The following AMBP variants were observed in gnomAD, a reference collection of about 807,000 sequenced individuals.
AMBP encodes protein AMBP.
Under a neutral mutation model 46.3 loss-of-function variants are expected in AMBP, and 37 were observed. The ratio of observed to expected loss-of-function variants is 0.80; its 90% CI spans 0.61 to 1.05. The LOEUF is 1.05. Among genes scored for constraint, AMBP ranks in the 50% least tolerant of loss-of-function variants. The pLI, the probability that AMBP is intolerant of heterozygous loss-of-function variation, is 0.00. For missense variants in AMBP, 475 were observed against 461.2 expected, an observed-to-expected ratio of 1.03 and a Z score of -0.27; for synonymous variants, 174 against 175.9, an observed-to-expected ratio of 0.99 and a Z score of 0.09.
chr9:114,072,870 C>A lies in AMBP; in HGVS notation c.556+55G>T, dbSNP rs572587611. On this transcript the variant is annotated intron_variant, in intron 5 of 9. Transcript: ENST00000265132. The stretch of plus-strand genomic sequence containing the variant: ...ACCCAGGGGCTGGGATGGTCTCTGG[C>A]GCCCACAAGGGACGAAGAGGGGACA... The A allele has an allele frequency of 2.1e-5, 32 of 1,538,614 alleles. No homozygotes were observed. In the South Asian group the frequency reaches 3.2e-4, roughly 15 times the overall value.
Position 114,078,173 on chromosome 9 carries a change from C to T in AMBP, c.37G>A (p.Ala13Thr), listed in dbSNP as rs368827981. 179 of 1,613,262 alleles carry T rather than the reference C, an allele frequency of 1.1e-4. No homozygotes were observed. The highest frequency in any genetic ancestry group is 4.2e-4 in the South Asian group (38 of 91,080). ...GGGCCAGCGCTCACCGCCAGGCAGG[C>T]GCTCAGCAGCAAGAGCAGGGCCCCG... The part of the protein sequence containing the change: ...SLGALLLLLS[A>T]CLAVSAGPVP... The change falls in exon 1 of 10, where the codon GCC becomes ACC. Residue 13 changes from alanine to threonine, a missense_variant. By Grantham distance (58) the Ala-to-Thr change is moderately conservative. Transcript: ENST00000265132.
chr9:114,060,637 C>G (rs190330804), intron 9 of AMBP, among the ~76,000 whole-genome samples: 1 of 152,314 alleles, frequency 6.6e-6, no homozygotes, highest in Non-Finnish European at 1.5e-5. Context: ...TACTGACACT[C>G]AGATTGGCAC....
Position 114,061,572 on chromosome 9 carries a change from G to T in AMBP, c.705C>A (p.Tyr235Ter). The change falls in exon 8 of 10, where the codon TAC becomes TAA. Residue 235 changes from tyrosine (Y) to a stop codon, truncating the protein, a stop_gained. Transcript: ENST00000265132. LOFTEE classifies it high-confidence loss of function. Reference sequence around the variant, plus strand: ...TCATTCCCATGCAGGGACCGGCCGAGTAGCCCAGCTGGCAGGAATCTAGGG... The same window carrying T: ...TCATTCCCATGCAGGGACCGGCCGATTAGCCCAGCTGGCAGGAATCTAGGG... Reference protein sequence around the residue: ...TKKEDSCQLGYSAGPCMGMTS... With the variant: ...TKKEDSCQLG 1 of 1,603,982 alleles carries T rather than the reference G, an allele frequency of 6.2e-7. No homozygotes were observed. Among genetic ancestry groups the T allele is most frequent in the East Asian group, 2.2e-5 (1 of 44,632 alleles).
At chr9:114,062,035 G>A (rs896034423) in intron 7 of AMBP, among the ~76,000 whole-genome samples, 2 of 152,140 alleles carry the variant, frequency 1.3e-5, no homozygotes, top group Admixed American at 6.5e-5. Flanking sequence ...CCTGGACACA[G>A]TGTGAATTCC....
intron 5 of AMBP, among the ~76,000 whole-genome samples, 196 bp downstream of exon 5, chr9:114,072,729 C>T (rs1846758250): frequency 6.6e-6 from 1 of 152,228 alleles, no homozygotes; most frequent in African/African-American, 2.4e-5. Flanking sequence ...TGAATGGGTT[C>T]TAGTCTAAGC....
rs567613625 is a variant in AMBP, at chr9:114,064,147, C to A, written c.604-1389G>T. Among the ~76,000 whole-genome samples, 5 of 152,214 alleles carry A rather than the reference C, an allele frequency of 3.3e-5. No homozygotes were observed. The East Asian group carries it at 9.7e-4, about 29-fold the overall frequency. ...TCCTTCACTCATCCAAGCCACTGGCCGTATGATATAACCACAGAAAGACAT... is the reference window on the plus strand; with the variant it reads ...TCCTTCACTCATCCAAGCCACTGGCAGTATGATATAACCACAGAAAGACAT... On this transcript the variant is annotated intron_variant, in intron 6 of 9. Transcript: ENST00000265132.
intron 6 of AMBP, among the ~76,000 whole-genome samples, chr9:114,066,239 T>G (rs1347547740): frequency 6.6e-6 from 1 of 152,218 alleles, no homozygotes; most frequent in Non-Finnish European, 1.5e-5. Flanking sequence ...TGCCTTCATG[T>G]CTTCTCCCCT....
chr9:114,071,828 G>T (rs1292890763), intron 5 of AMBP, among the ~76,000 whole-genome samples: 3 of 152,200 alleles, frequency 2.0e-5, no homozygotes, highest in African/African-American at 7.2e-5. Context: ...TCTGCTGAGA[G>T]CTGCAGCCTC....
intron 4 of AMBP, 73 bp from the exon 5 acceptor site, chr9:114,073,099 C>T: frequency 7.2e-7 from 1 of 1,385,212 alleles, no homozygotes; most frequent in Admixed American, 2.3e-5. Flanking sequence ...AATGATTTTG[C>T]CCAGTGATTT....
intron 1 of AMBP, among the ~76,000 whole-genome samples, chr9:114,077,137 G>T (rs1411867591): frequency 6.6e-6 from 1 of 152,206 alleles, no homozygotes; most frequent in African/African-American, 2.4e-5. Context: ...ACAGCCCCAT[G>T]TTAGGAATTA....
At chr9:114,077,942 G>C in intron 1 of AMBP, 151 bp downstream of exon 1, 1 of 774,824 alleles carries the variant, frequency 1.3e-6, no homozygotes, top group South Asian at 1.6e-5. Context: ...AATGGCAGGG[G>C]ATAGAGCTGT....
chr9:114,074,139 G>A lies in AMBP; in HGVS notation c.351C>T (p.Thr117=), dbSNP rs199756256. ...FLYHKSKWNI[T]MESYVVHTNY... is the part of the protein sequence containing the mutation. The stretch of plus-strand genomic sequence containing the variant: ...TGGTGTGGACCACATAGGACTCCAT[G>A]GTTATGTTCCATTCTGCATGGGAGG... Residue 117 remains threonine (T), a synonymous_variant, in exon 4 of 10, where the codon ACC becomes ACT. Transcript: ENST00000265132. The A allele has an allele frequency of 1.4e-5, 22 of 1,613,986 alleles. No individual in the cohort carries two copies. The highest frequency in any genetic ancestry group is 1.7e-5 in the Non-Finnish European group (20 of 1,179,984).
chr9:114,073,540 C>G (rs995366494), intron 4 of AMBP, among the ~76,000 whole-genome samples: 1 of 148,350 alleles, frequency 6.7e-6, no homozygotes, highest in Non-Finnish European at 1.5e-5. Context: ...CTCTGTTGCC[C>G]AGGCTGAAAT....
intron 2 of AMBP, 115 bp from the exon 3 acceptor site, chr9:114,075,151 T>TGTGTTTTTGTTTGC: frequency 1.3e-6 from 1 of 765,242 alleles, no homozygotes; most frequent in Non-Finnish European, 2.1e-6. Context: ...TTTTTGTTTG[T>TGTGTTTTTGTTTGC]GTGTTTTTGT....
At chr9:114,060,901 C>A (rs778082535) in intron 9 of AMBP, 24 bp downstream of exon 9, 3 of 1,607,578 alleles carry the variant, frequency 1.9e-6, no homozygotes, top group South Asian at 2.2e-5. Context: ...TCGGCCCAGC[C>A]TGGCACCCTG....
Position 114,077,314 on chromosome 9 carries a change from G to C in AMBP, c.118-574C>G, listed in dbSNP as rs543834827. On this transcript the variant is annotated intron_variant, in intron 1 of 9. Coordinates refer to ENST00000265132, the MANE Select transcript of AMBP (RefSeq NM_001633.4). The stretch of plus-strand genomic sequence containing the variant: ...CTGCCACAGGGACCTGCTCCTCATT[G>C]CCCCTCTGCCACGACCTTTCCTTGT... Among the ~76,000 whole-genome samples, 7 of 152,248 alleles carry C rather than the reference G, an allele frequency of 4.6e-5. No homozygotes were observed. The South Asian group carries it at 1.5e-3, about 32-fold the overall frequency.
chr9:114,063,111 T>C (rs1176897435), intron 6 of AMBP, among the ~76,000 whole-genome samples: 1 of 152,062 alleles, frequency 6.6e-6, no homozygotes, highest in Non-Finnish European at 1.5e-5. Context: ...TGTGAAGGCA[T>C]TGTTGCACAA....
intron 9 of AMBP, 21 bp from the exon 10 acceptor site, chr9:114,060,291 A>AG: frequency 3.7e-6 from 6 of 1,612,562 alleles, no homozygotes; most frequent in Non-Finnish European, 5.1e-6. Context: ...AGAGAGACTC[A>AG]GGGAGGGGTC....
chr9:114,063,041 A>G (rs568355325), intron 6 of AMBP, among the ~76,000 whole-genome samples: 1 of 141,934 alleles, frequency 7.0e-6, no homozygotes, highest in Admixed American at 6.9e-5. Context: ...GGAATATAGT[A>G]ATGAAAAGGT....
Sources: allele counts gnomAD v4.1 joint callset (sites outside exome capture counted in the v4.1 genomes callset), GRCh38; gene constraint gnomAD v4.1.1; transcripts MANE v1.5; gene names NCBI Gene and HGNC (gene_info 2026-07-23, HGNC 2026-07-21).